The following UFD1 variants were observed in gnomAD, a reference collection of about 807,000 sequenced individuals.
The protein encoded by UFD1 is ubiquitin recognition factor in ER associated degradation 1.
A neutral mutation model predicts 45.9 loss-of-function variants in UFD1; 13 were observed. That is an observed-to-expected ratio of 0.28 (90% CI 0.18 to 0.45). The LOEUF (loss-of-function observed/expected upper bound fraction) is 0.45. Among genes scored for constraint, UFD1 ranks in the 20% least tolerant of loss-of-function variants. UFD1 has a pLI of 1.00. For synonymous variants in UFD1, 128 were observed against 139.2 expected (o/e 0.92, Z 0.56); for missense variants, 218 against 389.2 (o/e 0.56, Z 3.70).
At chr22:19,458,187 G>A (rs373422460) in intron 6 of UFD1, 48 bp from the exon 7 acceptor site, 3 of 1,599,072 alleles carry the variant, frequency 1.9e-6, no homozygotes, top group Non-Finnish European at 2.6e-6. Flanking sequence ...TGGCAGCACT[G>A]GAGCTGTCGC....
intron 11 of UFD1, 129 bp from the exon 12 acceptor site, chr22:19,450,873 C>T: frequency 6.5e-7 from 1 of 1,531,648 alleles, no homozygotes; most frequent in Non-Finnish European, 8.8e-7. Flanking sequence ...CGATAGCTGA[C>T]ACCTGTAATC....
In UFD1 at chr22:19,473,338, G is replaced by C. The variant is rs549436723; in HGVS notation, c.170-1530C>G. ...TACCCCCTCACTTTCTCCAAAAAAAGCAGAGAACCTCATTTTATGAATTAG... is the reference window on the plus strand; with the variant it reads ...TACCCCCTCACTTTCTCCAAAAAAACCAGAGAACCTCATTTTATGAATTAG... On this transcript the variant is annotated intron_variant, in intron 3 of 11. Transcript: ENST00000263202. 2.6e-5 allele frequency among the ~76,000 whole-genome samples: 4 copies of C among 152,316 alleles called. No individual in the cohort carries two copies. In the East Asian group the frequency reaches 7.7e-4, roughly 29 times the overall value.
intron 6 of UFD1, among the ~76,000 whole-genome samples, chr22:19,463,168 T>C (rs1246186941): frequency 6.6e-6 from 1 of 152,254 alleles, no homozygotes; most frequent in African/African-American, 2.4e-5. Context: ...TTCAGATTAT[T>C]GCAATTCCTC....
rs996642894 is a variant in UFD1, at chr22:19,451,452, C to T, written c.850-708G>A. ...TTTTAACATATAGAGACCAACCAGCCCTCAGAAACATTCCACTAAGCTATC... is the reference window on the plus strand; with the variant it reads ...TTTTAACATATAGAGACCAACCAGCTCTCAGAAACATTCCACTAAGCTATC... On this transcript the variant is annotated intron_variant, in intron 11 of 11. Transcript: ENST00000263202. 5 of 985,194 alleles carry T rather than the reference C, an allele frequency of 5.1e-6. No homozygotes were observed. In the African/African-American group the frequency reaches 8.7e-5, roughly 17 times the overall value. 61.0% of individuals were successfully genotyped at this position (985,194 alleles called of 1,614,324 possible). A position where few individuals can be genotyped will look rare whatever the true frequency, so the allele number is the denominator to read the frequency against.
intron 11 of UFD1, 58 bp downstream of exon 11, chr22:19,454,691 T>C: frequency 6.2e-7 from 1 of 1,611,808 alleles, no homozygotes; most frequent in Non-Finnish European, 8.5e-7. Context: ...ACTTCAGTCA[T>C]CACTAGCAAA....
At chr22:19,455,810 G>A in intron 9 of UFD1, 42 bp from the exon 10 acceptor site, 1 of 1,578,130 alleles carries the variant, frequency 6.3e-7, no homozygotes, top group Non-Finnish European at 8.7e-7. Flanking sequence ...GCCCAAGTGT[G>A]AGGACGATAT....
At chr22:19,452,792 T>G (rs2089693405) in intron 11 of UFD1, 1 of 153,292 alleles carries the variant, frequency 6.5e-6, no homozygotes, top group Non-Finnish European at 1.4e-5. Context: ...CCCAAAGTGT[T>G]GGGATTACAG....
At chr22:19,477,513 G>C (rs191627557) in intron 1 of UFD1, among the ~76,000 whole-genome samples, 26 of 152,308 alleles carry the variant, frequency 1.7e-4, no homozygotes, top group African/African-American at 6.0e-4. Context: ...AAGTGGAACA[G>C]AGATTGACAG....
intron 4 of UFD1, chr22:19,471,327 G>C (rs747497964): frequency 1.8e-6 from 1 of 550,334 alleles, no homozygotes; most frequent in South Asian, 1.4e-5. Flanking sequence ...CTAAAAGTAG[G>C]GGAAAAGCAT....
At chr22:19,459,939 A>G (rs541307804) in intron 6 of UFD1, among the ~76,000 whole-genome samples, 22 of 151,766 alleles carry the variant, frequency 1.4e-4, no homozygotes, top group African/African-American at 4.8e-4. Flanking sequence ...GTGTTTCACT[A>G]TGTTGGCCAG....
At chr22:19,458,722 C>T (rs1005140843) in intron 6 of UFD1, among the ~76,000 whole-genome samples, 2 of 152,204 alleles carry the variant, frequency 1.3e-5, no homozygotes, top group South Asian at 2.1e-4. Flanking sequence ...GGATTACAGA[C>T]ATAAGCCACC....
intron 3 of UFD1, among the ~76,000 whole-genome samples, chr22:19,472,335 C>T (rs1029340763): frequency 1.3e-5 from 2 of 152,108 alleles, no homozygotes; most frequent in African/African-American, 4.8e-5. Flanking sequence ...CCAGGCAGTT[C>T]AGAAATGGTG....
intron 11 of UFD1, chr22:19,454,229 C>G: frequency 1.0e-6 from 1 of 993,636 alleles, no homozygotes; most frequent in Non-Finnish European, 1.2e-6. Context: ...TACACCAGCT[C>G]TACAGAAAAA....
chr22:19,456,006 G>A (rs1202331229), intron 9 of UFD1, among the ~76,000 whole-genome samples: 1 of 152,196 alleles, frequency 6.6e-6, no homozygotes, highest in Non-Finnish European at 1.5e-5. Flanking sequence ...TCAGTGTTGG[G>A]TTAAAAGACC....
rs148992658 is a variant in UFD1, at chr22:19,475,145, A to C, written c.137-45T>G. 3.8e-4 allele frequency: 593 copies of C among 1,572,674 alleles called. 4 individuals are homozygous for C. In the East Asian group the frequency reaches 0.013, roughly 34 times the overall value. ...GAAATATTAAAAAATAAAAATAAAA[A>C]GGACAGACCAAAGGCAAGATGCAGT... On this transcript the variant is annotated intron_variant, in intron 2 of 11. Coordinates refer to ENST00000263202, the MANE Select transcript of UFD1 (RefSeq NM_005659.7).
intron 9 of UFD1, 49 bp from the exon 10 acceptor site, chr22:19,455,817 A>C: frequency 6.4e-7 from 1 of 1,552,678 alleles, no homozygotes; most frequent in East Asian, 2.2e-5. Flanking sequence ...TGTGAGGACG[A>C]TATGTCCTTT....
intron 11 of UFD1, chr22:19,453,777 GAA>G: frequency 2.0e-6 from 2 of 985,624 alleles, no homozygotes; most frequent in Non-Finnish European, 2.4e-6. Flanking sequence ...AAGTGCTAGA[GAA>G]AAGAGTTCAG....
intron 1 of UFD1, among the ~76,000 whole-genome samples, chr22:19,478,107 A>C (rs2089902982): frequency 6.6e-6 from 1 of 152,206 alleles, no homozygotes; most frequent in Non-Finnish European, 1.5e-5. Context: ...AAGGGGCAAC[A>C]TACTTAACAA....
At chr22:19,478,483 C>T (rs1338995643) in intron 1 of UFD1, among the ~76,000 whole-genome samples, 1 of 152,184 alleles carries the variant, frequency 6.6e-6, no homozygotes, top group Non-Finnish European at 1.5e-5. Context: ...ATCCTTGCTT[C>T]CAAAGGGATT....
Sources: allele counts gnomAD v4.1 joint callset (sites outside exome capture counted in the v4.1 genomes callset), GRCh38; gene constraint gnomAD v4.1.1; transcripts MANE v1.5; gene names NCBI Gene and HGNC (gene_info 2026-07-23, HGNC 2026-07-21).